VPS4A: variants seen among roughly 807,000 people sequenced by gnomAD.
VPS4A encodes the protein vacuolar protein sorting 4 homolog A.
Under a neutral mutation model 52.3 loss-of-function variants are expected in VPS4A, and 20 were observed. The observed-to-expected ratio is 0.38, with a 90% confidence interval of 0.27 to 0.56. VPS4A has a LOEUF of 0.56. Among genes scored for constraint, VPS4A ranks in the 20% least tolerant of loss-of-function variants. The pLI, the probability that VPS4A is intolerant of heterozygous loss-of-function variation, is 0.72. For missense variants in VPS4A, 419 were observed against 575.9 expected, an observed-to-expected ratio of 0.73 and a Z score of 2.79; for synonymous variants, 293 against 227.7, an observed-to-expected ratio of 1.29 and a Z score of -2.58.
Position 69,318,823 on chromosome 16 carries a change from G to A in VPS4A, c.344G>A (p.Gly115Asp), listed in dbSNP as rs1351781114. 6.2e-7 allele frequency: 1 copy of A among 1,613,090 alleles called. No individual in the cohort carries two copies. ...EKKKLQEQLM[G>D]AVVMEKPNIR... ...GCCCGGGCCGGCCTCCCTCTCGCAG[G>A]TGCCGTCGTGATGGAGAAGCCCAAC... Residue 115 changes from glycine (G) to aspartate (D), a missense_variant and splice_region_variant, in exon 5 of 11, where the codon GGT (glycine) becomes GAT (aspartate). Gly to Asp is a moderately conservative substitution (Grantham distance 94). Around this residue, in one of 3 missense-constraint regions of VPS4A, gnomAD observed 131 missense variants for 165.4 expected, o/e 0.79. Transcript: ENST00000254950.
intron 1 of VPS4A, 79 bp from the exon 2 acceptor site, chr16:69,315,929 G>A (rs1242189776): frequency 2.5e-5 from 31 of 1,259,942 alleles, no homozygotes; most frequent in Admixed American, 7.5e-5. Flanking sequence ...CCCTCGTCAC[G>A]TTTCATCCCC....
rs984567550 is a variant in VPS4A, at chr16:69,320,389, G to A, written c.769+100G>A. On this transcript the variant is annotated intron_variant, in intron 7 of 10. Coordinates refer to ENST00000254950, the MANE Select transcript of VPS4A (RefSeq NM_013245.3). The surrounding 1 kb of genome is among the most constrained non-coding windows in gnomAD (Gnocchi z 4.2). ...GCTGGATTTGGTTGTTCTCAGCCTC[G>A]GAGAGGCACTCCCCAGCTCCAGCCC... 31 of 1,508,030 alleles carry A rather than the reference G, an allele frequency of 2.1e-5. No individual in the cohort carries two copies. The highest frequency in any genetic ancestry group is 9.2e-5 in the East Asian group (4 of 43,566). 93.4% of individuals were successfully genotyped at this position (1,508,030 alleles called of 1,614,324 possible). A position where few individuals can be genotyped will look rare whatever the true frequency, so the allele number is the denominator to read the frequency against.
chr16:69,326,394 G>A lies in VPS4A; in HGVS notation c.*2085G>A, dbSNP rs1039058839. The A allele has an allele frequency of 1.3e-5, 2 of 152,234 alleles. No homozygotes were observed. Among genetic ancestry groups the A allele is most frequent in the African/African-American group, 4.8e-5 (2 of 41,462 alleles). 9.4% of individuals were successfully genotyped at this position (152,234 alleles called of 1,614,324 possible). A position where few individuals can be genotyped will look rare whatever the true frequency, so the allele number is the denominator to read the frequency against. On this transcript the variant is annotated 3_prime_UTR_variant, in exon 11 of 11. Transcript: ENST00000254950. ...CTTGGTTATGTGCCCTCAGCCACCA[G>A]GATATGAACCGTGTCTGCAGAGCTT...
intron 10 of VPS4A, chr16:69,323,490 C>T (rs1244340401): frequency 2.8e-6 from 1 of 358,634 alleles, no homozygotes; most frequent in Non-Finnish European, 5.6e-6. Flanking sequence ...AAGTCAGGTC[C>T]AGATAATATG....
At chr16:69,323,956 A>AG (rs1965549589) in intron 10 of VPS4A, among the ~76,000 whole-genome samples, 1 of 151,792 alleles carries the variant, frequency 6.6e-6, no homozygotes, top group African/African-American at 2.4e-5. Flanking sequence ...AAAAAAAAAA[A>AG]AAAAAAAAAG....
rs17702834 is a variant in VPS4A, at chr16:69,320,779, C to T, written c.851+10C>T. 201,297 of 1,597,506 alleles carry T rather than the reference C, an allele frequency of 0.13. 13,369 individuals carry two copies. Among genetic ancestry groups the T allele is most frequent in the Non-Finnish European group, 0.14 (160,542 of 1,171,864 alleles). On this transcript the variant is annotated intron_variant, in intron 8 of 10. Transcript: ENST00000254950. The surrounding 1 kb of genome is among the most constrained non-coding windows in gnomAD (Gnocchi z 4.2). The stretch of plus-strand genomic sequence containing the variant: ...CGGCCATCAGGAGGAGGTGAGTCTT[C>T]CCCAGGAGAAGCCAGGGCTGGAGGC...
intron 1 of VPS4A, 84 bp from the exon 2 acceptor site, chr16:69,315,924 G>A (rs1965430479): frequency 5.1e-6 from 6 of 1,180,266 alleles, no homozygotes; most frequent in Admixed American, 3.9e-5. Flanking sequence ...GGCATCCCTC[G>A]TCACGTTTCA....
Position 69,316,061 on chromosome 16 carries a change from C to T in VPS4A, c.75C>T (p.Tyr25=), listed in dbSNP as rs778457289. ...CAGAGGAGGACAAAGCCAAGAACTA[C>T]GAGGAGGCGCTGCGGCTGTACCAGC... ...KATEEDKAKN[Y]EEALRLYQHA... The change falls in exon 2 of 11, where the codon TAC becomes TAT. Residue 25 remains tyrosine, a synonymous_variant. Coordinates refer to ENST00000254950, the MANE Select transcript of VPS4A (RefSeq NM_013245.3). 43 of 1,613,462 alleles carry T rather than the reference C, an allele frequency of 2.7e-5. No homozygotes were observed. The highest frequency in any genetic ancestry group is 3.3e-4 in the Middle Eastern group (2 of 6,084).
chr16:69,319,569 T>C, intron 6 of VPS4A, 26 bp downstream of exon 6: 1 of 1,600,248 alleles, frequency 6.2e-7, no homozygotes, highest in Non-Finnish European at 8.5e-7. Context: ...GGCCATGCTC[T>C]GCCAGCAGCC....
rs776790995 is a variant in VPS4A, at chr16:69,319,522, A to G, written c.599A>G (p.Lys200Arg). The change falls in exon 6 of 11, where the codon AAG (lysine) becomes AGG (arginine). Residue 200 changes from lysine (K) to arginine (R), a missense_variant. Lys to Arg is a conservative substitution (Grantham distance 26, BLOSUM62 2). Coordinates refer to ENST00000254950, the MANE Select transcript of VPS4A (RefSeq NM_013245.3). The stretch of plus-strand genomic sequence containing the variant: ...GTGTCCTCCTCAGATCTGATGTCCA[A>G]GTGGCTGGGGGAGAGTGAAAAGTAA... ...FSVSSSDLMS[K>R]WLGESEKLVK... 11 of 1,613,522 alleles carry G rather than the reference A, an allele frequency of 6.8e-6. 1 individual carries two copies. In the South Asian group the frequency reaches 1.1e-4, roughly 16 times the overall value.
chr16:69,322,824 C>G lies in VPS4A; in HGVS notation c.1212+124C>G, dbSNP rs1224072912. On this transcript the variant is annotated intron_variant, in intron 10 of 10. Coordinates refer to ENST00000254950, the MANE Select transcript of VPS4A (RefSeq NM_013245.3). ...GTAGCTCACGCCTGTAATCCCAGCA[C>G]TTTGGGAGGCCAGGGTGGGCAGATC... The G allele has an allele frequency of 1.1e-5, 14 of 1,268,000 alleles. No individual in the cohort carries two copies. The East Asian group carries it at 1.7e-4, about 16-fold the overall frequency. 78.5% of individuals were successfully genotyped at this position (1,268,000 alleles called of 1,614,324 possible).
rs201987194 is a variant in VPS4A at position 69,316,079 on chromosome 16, G to C, written c.93G>C (p.Leu31=). The C allele has an allele frequency of 1.2e-6, 2 of 1,613,506 alleles. No individual in the cohort carries two copies. The highest frequency in any genetic ancestry group is 4.5e-5 in the East Asian group (2 of 44,868). The part of the protein sequence containing the change: ...KAKNYEEALR[L]YQHAVEYFLH... ...AGAACTACGAGGAGGCGCTGCGGCT[G>C]TACCAGCATGCGGTGGAGTACTTCC... Residue 31 remains leucine, a synonymous_variant, in exon 2 of 11, where the codon CTG becomes CTC. Coordinates refer to ENST00000254950, the MANE Select transcript of VPS4A (RefSeq NM_013245.3).
intron 1 of VPS4A, 150 bp downstream of exon 1, chr16:69,311,682 G>C (rs1027612053): frequency 2.3e-6 from 2 of 861,968 alleles, no homozygotes; most frequent in Non-Finnish European, 3.0e-6. Context: ...GCTTCCGCCC[G>C]TGTCTGTTTC....
In VPS4A at chr16:69,321,348, G is replaced by A; in HGVS notation, c.1071+78G>A. The A allele has an allele frequency of 2.7e-6, 4 of 1,468,352 alleles. No individual in the cohort carries two copies. The highest frequency in any genetic ancestry group is 2.8e-6 in the Non-Finnish European group (3 of 1,086,564). 91.0% of individuals were successfully genotyped at this position (1,468,352 alleles called of 1,614,324 possible). On this transcript the variant is annotated intron_variant, in intron 9 of 10. Transcript: ENST00000254950. This position sits in a 1 kb window ranked among gnomAD's most constrained non-coding sequence, Gnocchi z 4.5. ...TCGGTTTTTTTTTTCCCAGCTCCTG[G>A]TCCTGCTCCCCGGCTGCTCAGGTGA...
chr16:69,319,052 A>T (rs1965475884), intron 5 of VPS4A, 110 bp downstream of exon 5: 9 of 1,483,758 alleles, frequency 6.1e-6, no homozygotes, highest in Non-Finnish European at 8.1e-6. Flanking sequence ...GGGCCTGCAG[A>T]GGGCCAGGCC....
Position 69,325,531 on chromosome 16 carries a change from C to G in VPS4A, c.*1222C>G, listed in dbSNP as rs371397787. ...CGGGCGGATCACAAGGTCAGGAAATCGAGAACATCCTGGCTAACACAGTGA... is the reference window on the plus strand; with the variant it reads ...CGGGCGGATCACAAGGTCAGGAAATGGAGAACATCCTGGCTAACACAGTGA... On this transcript the variant is annotated 3_prime_UTR_variant, in exon 11 of 11. Coordinates refer to ENST00000254950, the MANE Select transcript of VPS4A (RefSeq NM_013245.3). The G allele has an allele frequency of 6.6e-6, 1 of 152,048 alleles. No homozygotes were observed. The highest frequency in any genetic ancestry group is 2.4e-5 in the African/African-American group (1 of 41,372). 9.4% of individuals were successfully genotyped at this position (152,048 alleles called of 1,614,324 possible). A position where few individuals can be genotyped will look rare whatever the true frequency, so the allele number is the denominator to read the frequency against.
At chr16:69,323,967 A>G (rs571396032) in intron 10 of VPS4A, among the ~76,000 whole-genome samples, 1 of 148,968 alleles carries the variant, frequency 6.7e-6, no homozygotes, top group South Asian at 2.1e-4. Flanking sequence ...AAAAAAAAAG[A>G]AAGCAAGTTC....
intron 9 of VPS4A, chr16:69,322,358 G>A (rs1965523647): frequency 2.0e-6 from 1 of 494,572 alleles, no homozygotes; most frequent in African/African-American, 1.9e-5. Context: ...AAGACATCAA[G>A]GCATTGGGGC....
intron 3 of VPS4A, among the ~76,000 whole-genome samples, chr16:69,316,594 C>T (rs575060162): frequency 6.6e-6 from 1 of 152,264 alleles, no homozygotes; most frequent in African/African-American, 2.4e-5. Context: ...GAGCTTGGTG[C>T]AGATGGTAGA....
Sources: allele counts gnomAD v4.1 joint callset (sites outside exome capture counted in the v4.1 genomes callset), GRCh38; gene constraint gnomAD v4.1.1; regional missense constraint gnomAD v4.1.1; non-coding constraint Gnocchi (gnomAD v3.1); transcripts MANE v1.5; gene names NCBI Gene and HGNC (gene_info 2026-07-23, HGNC 2026-07-21).